Variants in EPHX4 observed in about 807,000 individuals in gnomAD.
EPHX4 encodes abhydrolase domain containing 7.
In EPHX4, 31 loss-of-function variants were observed where a neutral mutation model predicts 44.9. That is an observed-to-expected ratio of 0.69 (90% confidence interval 0.52 to 0.93). The LOEUF is 0.93. EPHX4 is among the 40% of genes least tolerant of loss of function. The pLI is 0.00. For missense variants in EPHX4, 373 were observed against 438.1 expected (o/e 0.85, Z 1.33); for synonymous variants, 151 against 159.7 (o/e 0.95, Z 0.41).
intron 4 of EPHX4, among the ~76,000 whole-genome samples, chr1:92,049,156 A>C (rs1287188906): frequency 6.6e-6 from 1 of 152,002 alleles, no homozygotes; most frequent in Non-Finnish European, 1.5e-5. Flanking sequence ...TTTCTGACTC[A>C]TCATATACCA....
chr1:92,030,227 A>G lies in EPHX4; in HGVS notation c.148A>G (p.Thr50Ala). 3.1e-6 allele frequency: 5 copies of G among 1,604,474 alleles called. No individual in the cohort carries two copies. Among genetic ancestry groups the G allele is most frequent in the Non-Finnish European group, 4.3e-6 (5 of 1,175,774 alleles). The change falls in exon 1 of 7, where the codon ACC becomes GCC. Residue 50 changes from threonine (T) to alanine (A), a missense_variant. Transcript: ENST00000370383. The part of the protein sequence containing the change: ...LWSLGKGPAQ[T>A]FRRPAREHPP... ...GAGCCTCGGCAAGGGGCCGGCGCAG[A>G]CCTTCCGGCGGCCCGCCCGGGAGCA... is the stretch of plus-strand genomic sequence containing the variant.
At chr1:92,031,253 T>A (rs1570685558) in intron 1 of EPHX4, among the ~76,000 whole-genome samples, 1 of 152,228 alleles carries the variant, frequency 6.6e-6, no homozygotes, top group East Asian at 1.9e-4. Context: ...GTCAGTGCAA[T>A]AAAGTATCTG....
chr1:92,030,249 A>G lies in EPHX4; in HGVS notation c.170A>G (p.Glu57Gly). The G allele has an allele frequency of 1.2e-6, 2 of 1,603,278 alleles. No individual in the cohort carries two copies. Among genetic ancestry groups the G allele is most frequent in the South Asian group, 1.1e-5 (1 of 89,462 alleles). The change falls in exon 1 of 7, where the codon GAG (glutamate) becomes GGG (glycine). Residue 57 changes from glutamate (E) to glycine (G), a missense_variant. Glu to Gly is a moderately conservative substitution (Grantham distance 98). Transcript: ENST00000370383. ...CAGACCTTCCGGCGGCCCGCCCGGG[A>G]GCACCCTCCCGCGTGCCTGAGCGAC... is the stretch of plus-strand genomic sequence containing the variant. ...PAQTFRRPAR[E>G]HPPACLSDPS...
chr1:92,055,837 G>T (rs1327523748), intron 6 of EPHX4, among the ~76,000 whole-genome samples: 2 of 152,004 alleles, frequency 1.3e-5, no homozygotes, highest in Admixed American at 6.6e-5. Flanking sequence ...TCTTTTTATC[G>T]CACTTCCTTT....
intron 2 of EPHX4, among the ~76,000 whole-genome samples, chr1:92,036,978 G>T (rs1472201131): frequency 6.6e-6 from 1 of 151,988 alleles, no homozygotes; most frequent in Non-Finnish European, 1.5e-5. Flanking sequence ...AAAAAAAAAG[G>T]TCTTAGAATT....
intron 3 of EPHX4, among the ~76,000 whole-genome samples, chr1:92,044,804 A>G (rs1450661244): frequency 6.6e-6 from 1 of 152,032 alleles, no homozygotes; most frequent in East Asian, 1.9e-4. Flanking sequence ...ATAACTAGAA[A>G]TTTCTGAGCA....
At chr1:92,045,964 A>G (rs1017097139) in intron 4 of EPHX4, among the ~76,000 whole-genome samples, 4 of 152,198 alleles carry the variant, frequency 2.6e-5, no homozygotes, top group Admixed American at 1.3e-4. Flanking sequence ...GAATCCTGAC[A>G]GCCTAGAAAT....
chr1:92,053,125 A>T (rs1647296013), intron 6 of EPHX4, among the ~76,000 whole-genome samples: 1 of 152,226 alleles, frequency 6.6e-6, no homozygotes. Context: ...GTGAATAGTT[A>T]TAAACTAACA....
chr1:92,059,045 A>G (rs1647434163), intron 6 of EPHX4, among the ~76,000 whole-genome samples: 1 of 152,248 alleles, frequency 6.6e-6, no homozygotes, highest in Non-Finnish European at 1.5e-5. Flanking sequence ...CCATTACCAC[A>G]GCAATGAGGA....
intron 4 of EPHX4, among the ~76,000 whole-genome samples, chr1:92,047,977 G>A (rs562540568): frequency 1.2e-4 from 19 of 152,204 alleles, no homozygotes; most frequent in Non-Finnish European, 2.4e-4. Flanking sequence ...TTTTTATTTG[G>A]TTTTGGCAAA....
chr1:92,042,778 G>C, intron 2 of EPHX4, 45 bp from the exon 3 acceptor site: 2 of 1,171,998 alleles, frequency 1.7e-6, no homozygotes, highest in Non-Finnish European at 1.2e-6. Flanking sequence ...GTTACTGTTT[G>C]TACTAGCTAA....
chr1:92,054,988 G>GTA (rs1326263111), intron 6 of EPHX4, among the ~76,000 whole-genome samples: 1 of 152,014 alleles, frequency 6.6e-6, no homozygotes, highest in Non-Finnish European at 1.5e-5. Flanking sequence ...AATTGCGTAT[G>GTA]TATATATATG....
intron 2 of EPHX4, among the ~76,000 whole-genome samples, chr1:92,035,617 TTTTTA>T (rs1329595306): frequency 2.0e-5 from 3 of 152,222 alleles, no homozygotes; most frequent in Admixed American, 6.5e-5. Context: ...CTCTTTTTTA[TTTTTA>T]TTTTAAGTTC....
At chr1:92,057,335 GA>G in intron 6 of EPHX4, among the ~76,000 whole-genome samples, 1 of 152,118 alleles carries the variant, frequency 6.6e-6, no homozygotes, top group South Asian at 2.1e-4. Flanking sequence ...ACAAAGTTAG[GA>G]ACCAGAAAGC....
chr1:92,042,738 AAAAAAG>A (rs1688526409), intron 2 of EPHX4, 79 bp from the exon 3 acceptor site: 3 of 1,311,000 alleles, frequency 2.3e-6, no homozygotes, highest in East Asian at 4.9e-5. Context: ...AAAAAAAAAA[AAAAAAG>A]AAAGGAAAAA....
chr1:92,045,896 A>G (rs140313639), intron 4 of EPHX4, among the ~76,000 whole-genome samples: 179 of 152,332 alleles, frequency 1.2e-3, no homozygotes, highest in African/African-American at 4.2e-3. Context: ...AAAAGATTTT[A>G]CTGTTAACTT....
In EPHX4 at chr1:92,032,566, T is replaced by C. The variant is rs1347463190; in HGVS notation, c.293T>C (p.Leu98Pro). The change falls in exon 2 of 7, where the codon CTG (leucine) becomes CCG (proline). Residue 98 changes from leucine (L) to proline (P), a missense_variant. Leu to Pro is a moderately conservative substitution (Grantham distance 98). Transcript: ENST00000370383. ...GAAAGAGGCAAACCACTTATGCTGC[T>C]GCTTCATGGATTTCCAGAATTCTGG... is the stretch of plus-strand genomic sequence containing the variant. Reference protein sequence around the residue: ...AGERGKPLMLLLHGFPEFWYS... With the variant: ...AGERGKPLMLPLHGFPEFWYS... 3 of 1,614,032 alleles carry C rather than the reference T, an allele frequency of 1.9e-6. No individual in the cohort carries two copies. In the Admixed American group the frequency reaches 5.0e-5, roughly 27 times the overall value.
intron 2 of EPHX4, among the ~76,000 whole-genome samples, chr1:92,037,656 T>C (rs772782506): frequency 3.3e-5 from 5 of 152,156 alleles, no homozygotes; most frequent in African/African-American, 1.2e-4. Flanking sequence ...AGCTGACAAC[T>C]GTGGCATTTC....
intron 3 of EPHX4, among the ~76,000 whole-genome samples, chr1:92,045,305 T>A (rs1261436766): frequency 2.0e-5 from 3 of 151,830 alleles, no homozygotes; most frequent in Non-Finnish European, 4.4e-5. Flanking sequence ...TTTTTTTTTT[T>A]AATATGGATT....
Sources: gnomAD v4.1 joint callset for allele counts (sites outside exome capture counted in the v4.1 genomes callset) on GRCh38, gnomAD v4.1.1 for gene constraint, MANE v1.5 for transcripts, NCBI Gene and HGNC (gene_info 2026-07-23, HGNC 2026-07-21) for gene names.